The following BTBD9 variants were observed in gnomAD, a reference collection of about 807,000 sequenced individuals.
BTBD9 encodes the protein BTB/POZ domain-containing protein 9.
Under a neutral mutation model 64.3 loss-of-function variants are expected in BTBD9, and 49 were observed. That is an observed-to-expected ratio of 0.76 (90% CI 0.61 to 0.97). The LOEUF (loss-of-function observed/expected upper bound fraction) is 0.97, where lower values mean the gene tolerates loss of function less well. Among genes scored for constraint, BTBD9 ranks in the 50% least tolerant of loss-of-function variants. The pLI is 0.00. For missense variants in BTBD9, 598 were observed against 762.1 expected, an observed-to-expected ratio of 0.78 and a Z score of 2.53; for synonymous variants, 260 against 274.7, an observed-to-expected ratio of 0.95 and a Z score of 0.53.
At chr6:38,503,322 C>T (rs1008051825) in intron 6 of BTBD9, among the ~76,000 whole-genome samples, 6 of 152,108 alleles carry the variant, frequency 3.9e-5, no homozygotes, top group African/African-American at 1.4e-4. Context: ...TCCCCCTTCT[C>T]TCCAGGAGAC....
intron 9 of BTBD9, among the ~76,000 whole-genome samples, chr6:38,202,496 T>G (rs1201646032): frequency 1.3e-5 from 2 of 152,132 alleles, no homozygotes; most frequent in African/African-American, 2.4e-5. Flanking sequence ...GCTAGAGGCT[T>G]TGCAGTCACT....
intron 1 of BTBD9, among the ~76,000 whole-genome samples, chr6:38,600,132 T>A (rs4711552): frequency 0.062 from 9,497 of 152,204 alleles, 705 homozygotes; most frequent in East Asian, 0.23. Context: ...ACACAACAAC[T>A]GTGTAATATA....
intron 6 of BTBD9, among the ~76,000 whole-genome samples, chr6:38,503,106 CCTCA>C (rs1772287511): frequency 6.6e-6 from 1 of 151,898 alleles, no homozygotes; most frequent in Non-Finnish European, 1.5e-5. Context: ...TCAGCTGAGC[CCTCA>C]CTATCTCCTC....
chr6:38,488,422 G>T (rs1164043667), intron 6 of BTBD9, among the ~76,000 whole-genome samples: 2 of 152,208 alleles, frequency 1.3e-5, no homozygotes, highest in Non-Finnish European at 2.9e-5. Context: ...GTTTAGAGCT[G>T]CAAGGAACCG....
intron 1 of BTBD9, among the ~76,000 whole-genome samples, chr6:38,608,117 T>C (rs1237778405): frequency 6.6e-6 from 1 of 152,182 alleles, no homozygotes; most frequent in Non-Finnish European, 1.5e-5. Flanking sequence ...CTCTTACTTC[T>C]CATTTGCTCT....
At position 38,594,058 on chromosome 6, in the gene BTBD9, T is replaced by A; in HGVS notation, c.455A>T (p.Tyr152Phe). Residue 152 changes from tyrosine to phenylalanine, a missense_variant, in exon 3 of 11, where the codon TAC (tyrosine) becomes TTC (phenylalanine). By Grantham distance (22) the Tyr-to-Phe change is conservative. Coordinates refer to ENST00000481247, the MANE Select transcript of BTBD9 (RefSeq NM_001099272.2). ...VCMTFDVASLYSLPKLTCMCC... is the reference protein window; with the variant it reads ...VCMTFDVASLFSLPKLTCMCC... ...CATACAAGTTAACTTGGGAAGTGAG[T>A]AGAGACTGGCAACATCAAAAGTCAT... The A allele has an allele frequency of 6.2e-7, 1 of 1,614,050 alleles. No homozygotes were observed. Among genetic ancestry groups the A allele is most frequent in the Non-Finnish European group, 8.5e-7 (1 of 1,179,978 alleles).
At chr6:38,249,826 A>C (rs574491556) in intron 9 of BTBD9, among the ~76,000 whole-genome samples, 1 of 152,280 alleles carries the variant, frequency 6.6e-6, no homozygotes, top group Admixed American at 6.5e-5. Flanking sequence ...ACAACGGGTA[A>C]ATGTGGAGCT....
At chr6:38,471,782 A>G (rs974326958) in intron 6 of BTBD9, among the ~76,000 whole-genome samples, 1 of 152,232 alleles carries the variant, frequency 6.6e-6, no homozygotes, top group Non-Finnish European at 1.5e-5. Flanking sequence ...TCACCCAGAG[A>G]AAGAAACTAA....
Position 38,555,487 on chromosome 6 carries a change from T to C in BTBD9, c.1154+22113A>G, listed in dbSNP as rs566714439. On this transcript the variant is annotated intron_variant, in intron 6 of 10. Coordinates refer to ENST00000481247, the MANE Select transcript of BTBD9 (RefSeq NM_001099272.2). ...TTAAATGTAAGTATATATTTAATCT[T>C]CTACTTAACAAAACGTATGTAATAA... 1.7e-3 allele frequency among the ~76,000 whole-genome samples: 256 copies of C among 152,374 alleles called. 1 individual carries two copies. Among genetic ancestry groups the C allele is most frequent in the South Asian group, 5.2e-3 (25 of 4,828 alleles).
At chr6:38,265,234 T>G (rs1233499590) in intron 8 of BTBD9, among the ~76,000 whole-genome samples, 1 of 152,096 alleles carries the variant, frequency 6.6e-6, no homozygotes, top group Non-Finnish European at 1.5e-5. Context: ...CAAGTATACA[T>G]TTTGGCTCCA....
chr6:38,280,198 ATC>A (rs1761457310), intron 8 of BTBD9, among the ~76,000 whole-genome samples: 1 of 152,164 alleles, frequency 6.6e-6, no homozygotes, highest in African/African-American at 2.4e-5. Context: ...TGTTTCCAGG[ATC>A]CAGGATTTCT....
intron 7 of BTBD9, among the ~76,000 whole-genome samples, chr6:38,311,177 A>T (rs576755627): frequency 5.9e-5 from 9 of 151,308 alleles, no homozygotes; most frequent in African/African-American, 2.2e-4. Context: ...GTGCTATGAA[A>T]CGCTAGATCT....
chr6:38,562,863 T>C (rs1332995125), intron 6 of BTBD9, among the ~76,000 whole-genome samples: 1 of 152,182 alleles, frequency 6.6e-6, no homozygotes. Flanking sequence ...GGTGTATGCA[T>C]GTTTAATTTT....
At chr6:38,522,030 A>T (rs1275677451) in intron 6 of BTBD9, among the ~76,000 whole-genome samples, 1 of 152,050 alleles carries the variant, frequency 6.6e-6, no homozygotes, top group African/African-American at 2.4e-5. Flanking sequence ...CCCTCTTTTC[A>T]GTCATGCCCT....
chr6:38,553,402 C>T (rs1365130095), intron 6 of BTBD9, among the ~76,000 whole-genome samples: 1 of 152,132 alleles, frequency 6.6e-6, no homozygotes, highest in Non-Finnish European at 1.5e-5. Context: ...AAAACAGATC[C>T]AACACAAAGC....
chr6:38,199,342 G>A (rs933587615), intron 9 of BTBD9, among the ~76,000 whole-genome samples: 12 of 152,026 alleles, frequency 7.9e-5, no homozygotes, highest in East Asian at 1.9e-4. Context: ...TTCGGGAGCC[G>A]CTGACTGGCC....
chr6:38,501,157 G>A (rs1772176421), intron 6 of BTBD9, among the ~76,000 whole-genome samples: 1 of 152,064 alleles, frequency 6.6e-6, no homozygotes, highest in Non-Finnish European at 1.5e-5. Flanking sequence ...GCCAAAATGA[G>A]CCTTCACATT....
intron 6 of BTBD9, among the ~76,000 whole-genome samples, chr6:38,351,504 G>GGTT (rs1764506388): frequency 1.0e-5 from 1 of 96,696 alleles, no homozygotes; most frequent in Non-Finnish European, 2.0e-5. Context: ...TTTAATTGTT[G>GGTT]TTGTTTTTTT....
In BTBD9 at chr6:38,461,201, G is replaced by A. The variant is rs150854612; in HGVS notation, c.1155-116108C>T. ...GAGGATTAATGGAAACAAACTGTAC[G>A]TATTTGAGATGAACAATTTGTTAAT... On this transcript the variant is annotated intron_variant, in intron 6 of 10. Coordinates refer to ENST00000481247, the MANE Select transcript of BTBD9 (RefSeq NM_001099272.2). 3.4e-3 allele frequency among the ~76,000 whole-genome samples: 520 copies of A among 152,256 alleles called. 2 individuals carry two copies. The highest frequency in any genetic ancestry group is 0.012 in the African/African-American group (487 of 41,546).
Sources: allele counts gnomAD v4.1 joint callset (sites outside exome capture counted in the v4.1 genomes callset), GRCh38; gene constraint gnomAD v4.1.1; transcripts MANE v1.5; gene names NCBI Gene and HGNC (gene_info 2026-07-23, HGNC 2026-07-21).